TTN: variants seen among roughly 807,000 people sequenced by gnomAD.
TTN encodes connectin.
TTN carries 1,525 observed loss-of-function variants against 3,223.0 expected under a neutral mutation model. The ratio of observed to expected loss-of-function variants is 0.47; its 90% CI spans 0.45 to 0.49. TTN has a LOEUF of 0.49. TTN is among the 20% of genes least tolerant of loss of function. The pLI is 0.00. For missense variants in TTN, 40,786 were observed against 43,424.0 expected (o/e 0.94, Z 5.40); for synonymous variants, 14,094 against 15,161.0 (o/e 0.93, Z 5.17).
At chr2:178,781,093 T>G (rs768523435) in intron 21 of TTN, 28 bp downstream of exon 21, 3 of 1,613,544 alleles carry the variant, frequency 1.9e-6, no homozygotes, top group African/African-American at 2.7e-5. Flanking sequence ...GTTCTTATCA[T>G]GCACATAGAA....
At position 178,590,831 on chromosome 2, in the gene TTN, A is replaced by G. The variant is rs1213279730; in HGVS notation, c.60894T>C (p.Asp20298=). 3 of 1,607,200 alleles carry G rather than the reference A, an allele frequency of 1.9e-6. No homozygotes were observed. The highest frequency in any genetic ancestry group is 3.3e-4 in the Middle Eastern group (2 of 6,030). ...AGTAGCCAGTTATTGGACTGCCACC[A>G]TCAGATTTTGGCAGGGTCCAAGACA... ...ATVSWTLPKS[D]GGSPITGYYM... is the part of the protein sequence containing the mutation. Residue 20298 remains aspartate (D), a synonymous_variant, in exon 304 of 363, where the codon GAT becomes GAC. Transcript: ENST00000589042.
intron 6 of TTN, among the ~76,000 whole-genome samples, chr2:178,798,174 A>T (rs1006283524): frequency 2.0e-5 from 3 of 152,132 alleles, no homozygotes; most frequent in Non-Finnish European, 4.4e-5. Flanking sequence ...GTATGTTTGA[A>T]TATTATTTAG....
rs1193518763 is a variant in TTN at position 178,593,883 on chromosome 2, A to T, written c.58433-16T>A. 1 of 1,607,468 alleles carries T rather than the reference A, an allele frequency of 6.2e-7. No individual in the cohort carries two copies. The highest frequency in any genetic ancestry group is 1.7e-5 in the Admixed American group (1 of 58,584). ...CCAGGACGGTCTGCAGAAAAAAAAA[A>T]TCATGGCACAAAATGTTATTGCCAT... On this transcript the variant is annotated splice_polypyrimidine_tract_variant and intron_variant, in intron 297 of 362. Coordinates refer to ENST00000589042, the MANE Select transcript of TTN (RefSeq NM_001267550.2).
In TTN at chr2:178,609,664, C is replaced by T. The variant is rs571361599; in HGVS notation, c.51739+20G>A. 2.4e-5 allele frequency: 37 copies of T among 1,558,598 alleles called. No homozygotes were observed. In the Admixed American group the frequency reaches 7.2e-4, roughly 30 times the overall value. The stretch of plus-strand genomic sequence containing the variant: ...TTATTTCAAAATGGGAAAGTGGCAA[C>T]TCCATGAAACAAAACTTACCAATGG... On this transcript the variant is annotated intron_variant, in intron 272 of 362. Transcript: ENST00000589042.
chr2:178,703,320 C>G (rs1333670401), intron 106 of TTN, among the ~76,000 whole-genome samples: 3 of 151,972 alleles, frequency 2.0e-5, no homozygotes, highest in African/African-American at 7.2e-5. Context: ...GCTCTATTTA[C>G]TAAAGAATTA....
In TTN at chr2:178,589,117, T is replaced by A; in HGVS notation, c.62608A>T (p.Asn20870Tyr). 2.5e-6 allele frequency: 4 copies of A among 1,612,112 alleles called. No homozygotes were observed. The highest frequency in any genetic ancestry group is 3.4e-6 in the Non-Finnish European group (4 of 1,179,592). The part of the protein sequence containing the change: ...NVLDKPGPVR[N>Y]LKIVDVSSDR... ...CTGGACACATCAACAATTTTCAGATTTCTCACAGGACCAGGCTTATCTAAA... is the reference window on the plus strand; with the variant it reads ...CTGGACACATCAACAATTTTCAGATATCTCACAGGACCAGGCTTATCTAAA... The change falls in exon 304 of 363, where the codon AAT becomes TAT. Residue 20870 changes from asparagine (N) to tyrosine (Y), a missense_variant. Asn to Tyr is a moderately radical substitution (Grantham distance 143, BLOSUM62 -2). Coordinates refer to ENST00000589042, the MANE Select transcript of TTN (RefSeq NM_001267550.2).
intron 349 of TTN, chr2:178,541,853 G>A (rs1249231947): frequency 4.5e-6 from 1 of 221,810 alleles, no homozygotes; most frequent in Admixed American, 5.6e-5. Flanking sequence ...TGATGCTGAG[G>A]TTTAATTTTG....
Position 178,704,856 on chromosome 2 carries a change from T to A in TTN, c.29694+21A>T, listed in dbSNP as rs187393718. On this transcript the variant is annotated intron_variant, in intron 104 of 362. Coordinates refer to ENST00000589042, the MANE Select transcript of TTN (RefSeq NM_001267550.2). ...CTCAATAATAACTTGTTCATTTTAT[T>A]ATCAACATAATTCTTTTTACCTCTG... 2.2e-3 allele frequency: 3,506 copies of A among 1,610,960 alleles called. 51 individuals carry two copies. Among genetic ancestry groups the A allele is most frequent in the South Asian group, 0.021 (1,910 of 90,190 alleles).
intron 341 of TTN, 22 bp downstream of exon 341, chr2:178,546,578 G>T (rs1697251217): frequency 6.3e-7 from 1 of 1,597,586 alleles, no homozygotes; most frequent in African/African-American, 1.3e-5. Context: ...TTTTAAAAAG[G>T]AGAATGTTGA....
Position 178,804,550 on chromosome 2 carries a change from AC to A in TTN, c.91+1del. On this transcript the variant is annotated splice_donor_variant, in intron 2 of 362. Coordinates refer to ENST00000589042, the MANE Select transcript of TTN (RefSeq NM_001267550.2). LOFTEE classifies it high-confidence loss of function. ...AACAAAAGTGTGAATGTGTGAGCTT[AC>A]CACTAATGTGAGCCTCAAAGGTTGC... 6.2e-7 allele frequency: 1 copy of A among 1,613,854 alleles called. No homozygotes were observed. Among genetic ancestry groups the A allele is most frequent in the Non-Finnish European group, 8.5e-7 (1 of 1,179,884 alleles).
At position 178,598,857 on chromosome 2, in the gene TTN, A is replaced by G; in HGVS notation, c.56853T>C (p.Thr18951=). The G allele has an allele frequency of 6.2e-7, 1 of 1,613,286 alleles. No homozygotes were observed. The highest frequency in any genetic ancestry group is 1.7e-5 in the Admixed American group (1 of 59,966). The change falls in exon 291 of 363, where the codon ACT becomes ACC. Residue 18951 remains threonine, a synonymous_variant. Transcript: ENST00000589042. ...AMTLGVSYKV[T]GLIEGSDYQF... The stretch of plus-strand genomic sequence containing the variant: ...GATAGTCGGAACCTTCAATAAGACC[A>G]GTCACTTTATAAGAAACACCCAAAG...
chr2:178,670,064 T>C (rs2066703191), intron 157 of TTN, among the ~76,000 whole-genome samples, 154 bp downstream of exon 157: 1 of 152,060 alleles, frequency 6.6e-6, no homozygotes, highest in Admixed American at 6.6e-5. Context: ...GCCTAAAACA[T>C]TGCCTCAAAA....
In TTN at chr2:178,549,707, T is replaced by C; in HGVS notation, c.92015A>G (p.Asp30672Gly). 6.2e-7 allele frequency: 1 copy of C among 1,613,788 alleles called. No homozygotes were observed. Among genetic ancestry groups the C allele is most frequent in the Non-Finnish European group, 8.5e-7 (1 of 1,179,762 alleles). Residue 30672 changes from aspartate to glycine, a missense_variant, in exon 338 of 363, where the codon GAT (aspartate) becomes GGT (glycine). Asp to Gly is a moderately conservative substitution (Grantham distance 94, BLOSUM62 -1). Coordinates refer to ENST00000589042, the MANE Select transcript of TTN (RefSeq NM_001267550.2). ...AGTGTAACTTTGGGCTTCACATTTATCCTCAATTAGTGCCCAGGCAAGTCT... is the reference window on the plus strand; with the variant it reads ...AGTGTAACTTTGGGCTTCACATTTACCCTCAATTAGTGCCCAGGCAAGTCT... Reference protein sequence around the residue: ...TSRLAWALIEDKCEAQSYTAI... With the variant: ...TSRLAWALIEGKCEAQSYTAI...
At chr2:178,752,185 G>A (rs1338796195) in intron 47 of TTN, 13 of 736,454 alleles carry the variant, frequency 1.8e-5, no homozygotes, top group African/African-American at 7.2e-5. Flanking sequence ...ATATTTGTTC[G>A]AATAAACGCA....
intron 349 of TTN, 65 bp downstream of exon 349, chr2:178,542,197 CAA>C: frequency 1.4e-6 from 2 of 1,469,322 alleles, no homozygotes; most frequent in Non-Finnish European, 1.8e-6. Flanking sequence ...ATATTAAAAA[CAA>C]ATTCTTTTTT....
rs977217136 is a variant in TTN at position 178,779,082 on chromosome 2, C to T, written c.4000G>A (p.Gly1334Arg). 2 of 1,613,782 alleles carry T rather than the reference C, an allele frequency of 1.2e-6. No individual in the cohort carries two copies. Among genetic ancestry groups the T allele is most frequent in the Admixed American group, 1.7e-5 (1 of 59,974 alleles). Residue 1334 changes from glycine to arginine, a missense_variant, in exon 24 of 363, where the codon GGA (glycine) becomes AGA (arginine). Coordinates refer to ENST00000589042, the MANE Select transcript of TTN (RefSeq NM_001267550.2). ...WYKDGKRIKH[G>R]ERYQMDFLQD... ...AGAAAGTCCATTTGGTATCTTTCTCCATGTTTGATGCGCTTGCCATCTTTG... is the reference window on the plus strand; with the variant it reads ...AGAAAGTCCATTTGGTATCTTTCTCTATGTTTGATGCGCTTGCCATCTTTG...
chr2:178,728,127 C>T lies in TTN; in HGVS notation c.19697G>A (p.Gly6566Asp), dbSNP rs1052515116. The T allele has an allele frequency of 5.0e-6, 8 of 1,587,052 alleles. No homozygotes were observed. Among genetic ancestry groups the T allele is most frequent in the South Asian group, 2.3e-5 (2 of 85,806 alleles). Residue 6566 changes from glycine to aspartate, a missense_variant, in exon 67 of 363, where the codon GGC (glycine) becomes GAC (aspartate). Transcript: ENST00000589042. ...SNVAGDDACS[G>D]ILTVKEPPSF... Reference sequence around the variant, plus strand: ...ATTCTAACCTTTCACAGTTAAGATGCCACTGCATGCATCATCTCCTGCTAC... The same window carrying T: ...ATTCTAACCTTTCACAGTTAAGATGTCACTGCATGCATCATCTCCTGCTAC...
Position 178,565,731 on chromosome 2 carries a change from A to G in TTN, c.80401T>C (p.Trp26801Arg). ...DVSQTSASLM[W>R]EKPEHDGGSR... ...CCGCCATCATGTTCAGGTTTCTCCC[A>G]CATAAGTGATGCACTGGTCTGGGAC... Residue 26801 changes from tryptophan to arginine, a missense_variant, in exon 326 of 363, where the codon TGG (tryptophan) becomes CGG (arginine). Transcript: ENST00000589042. 6.2e-7 allele frequency: 1 copy of G among 1,613,564 alleles called. No individual in the cohort carries two copies. The highest frequency in any genetic ancestry group is 1.7e-4 in the Middle Eastern group (1 of 6,056).
At position 178,548,240 on chromosome 2, in the gene TTN, G is replaced by A; in HGVS notation, c.93386C>T (p.Ser31129Phe). The change falls in exon 339 of 363, where the codon TCC becomes TTC. Residue 31129 changes from serine (S) to phenylalanine (F), a missense_variant. Coordinates refer to ENST00000589042, the MANE Select transcript of TTN (RefSeq NM_001267550.2). The surrounding 1 kb of genome is among the most constrained non-coding windows in gnomAD (Gnocchi z 4.3). ...RLDVVDTSKS[S>F]AVLAWLKPDH... ...AGGTTTAAGCCAAGCTAAGACTGCGGAGGATTTGCTAGTATCAACAACATC... is the reference window on the plus strand; with the variant it reads ...AGGTTTAAGCCAAGCTAAGACTGCGAAGGATTTGCTAGTATCAACAACATC... 2.5e-6 allele frequency: 4 copies of A among 1,613,866 alleles called. No individual in the cohort carries two copies. Among genetic ancestry groups the A allele is most frequent in the Non-Finnish European group, 3.4e-6 (4 of 1,179,804 alleles).
Sources: allele counts gnomAD v4.1 joint callset (sites outside exome capture counted in the v4.1 genomes callset), GRCh38; gene constraint gnomAD v4.1.1; non-coding constraint Gnocchi (gnomAD v3.1); transcripts MANE v1.5; gene names NCBI Gene and HGNC (gene_info 2026-07-23, HGNC 2026-07-21).